Variants in VIPR2 observed in about 807,000 individuals in gnomAD.
The protein encoded by VIPR2 is vasoactive intestinal peptide receptor 2, also known as vasoactive intestinal polypeptide receptor 2.
A neutral mutation model predicts 58.0 loss-of-function variants in VIPR2; 48 were observed. The ratio of observed to expected loss-of-function variants is 0.83; its 90% CI spans 0.66 to 1.05. The LOEUF is 1.05. Ranked by LOEUF, VIPR2 falls within the 50% of genes least tolerant of loss-of-function variation. VIPR2 has a pLI of 0.00. For missense variants in VIPR2, 534 were observed against 558.0 expected (o/e 0.96, Z 0.43); for synonymous variants, 243 against 235.2 (o/e 1.03, Z -0.30).
chr7:159,083,769 G>A (rs983738699), intron 4 of VIPR2, among the ~76,000 whole-genome samples: 1 of 152,270 alleles, frequency 6.6e-6, no homozygotes, highest in Non-Finnish European at 1.5e-5. Context: ...AAGAGAACCT[G>A]TGGTTTTGTG....
Position 159,032,010 on chromosome 7 carries a change from C to T in VIPR2, c.1029G>A (p.Val343=). 2 of 1,614,162 alleles carry T rather than the reference C, an allele frequency of 1.2e-6. No homozygotes were observed. The highest frequency in any genetic ancestry group is 1.7e-6 in the Non-Finnish European group (2 of 1,180,048). ...AGATGCTGATGGGAAACACGGCAAA[C>T]ACCATGTAGTGGACGCCGAACAGCG... ...LIPLFGVHYM[V]FAVFPISISS... Residue 343 remains valine, a synonymous_variant, in exon 11 of 13, where the codon GTG becomes GTA. Transcript: ENST00000262178.
At chr7:159,130,254 C>T (rs1796844396) in intron 2 of VIPR2, among the ~76,000 whole-genome samples, 1 of 152,184 alleles carries the variant, frequency 6.6e-6, no homozygotes, top group Non-Finnish European at 1.5e-5. Flanking sequence ...GATAAGAGCC[C>T]TTCCCCCAAA....
intron 4 of VIPR2, among the ~76,000 whole-genome samples, chr7:159,085,152 A>G (rs1020324765): frequency 6.6e-6 from 1 of 152,242 alleles, no homozygotes; most frequent in Admixed American, 6.5e-5. Flanking sequence ...CACTCCACTT[A>G]GGAGACTGTC....
At chr7:159,142,405 G>T in intron 2 of VIPR2, 41 bp downstream of exon 2, 2 of 1,484,470 alleles carry the variant, frequency 1.3e-6, no homozygotes, top group Non-Finnish European at 1.9e-6. Context: ...TCCCGGGTGA[G>T]AATGTCACGG....
intron 2 of VIPR2, among the ~76,000 whole-genome samples, chr7:159,112,260 C>T (rs963805979): frequency 4.6e-5 from 7 of 152,174 alleles, no homozygotes; most frequent in South Asian, 2.1e-4. Context: ...TTGGACCGCA[C>T]GTGAGGGAGC....
Position 159,127,281 on chromosome 7 carries a change from G to T in VIPR2, c.151+15165C>A, listed in dbSNP as rs1796688768. On this transcript the variant is annotated intron_variant, in intron 2 of 12. Transcript: ENST00000262178. The surrounding 1 kb of genome is among the most constrained non-coding windows in gnomAD (Gnocchi z 4.6). ...GGCACCTGGAAACTGGATCACAGCAGAATTCTGAATTTCAGAAACAGCGGT... is the reference window on the plus strand; with the variant it reads ...GGCACCTGGAAACTGGATCACAGCATAATTCTGAATTTCAGAAACAGCGGT... 6.6e-6 allele frequency among the ~76,000 whole-genome samples: 1 copy of T among 152,332 alleles called. No homozygotes were observed. The highest frequency in any genetic ancestry group is 1.9e-4 in the East Asian group (1 of 5,186).
In VIPR2 at chr7:159,030,246, G is replaced by C. The variant is rs573239045; in HGVS notation, c.*370C>G. On this transcript the variant is annotated 3_prime_UTR_variant, in exon 13 of 13. Coordinates refer to ENST00000262178, the MANE Select transcript of VIPR2 (RefSeq NM_003382.5). ...TGTAGTCCCAGCTATGGGAGGCTGA[G>C]GCAGGAGAATGGCGTGAACCCGGGA... The C allele has an allele frequency of 3.2e-3, 667 of 210,888 alleles. 2 individuals are homozygous for C. Among genetic ancestry groups the C allele is most frequent in the Non-Finnish European group, 4.9e-3 (529 of 107,644 alleles). 13.1% of individuals were successfully genotyped at this position (210,888 alleles called of 1,614,324 possible).
chr7:159,053,711 A>G (rs1243502043), intron 5 of VIPR2, among the ~76,000 whole-genome samples: 1 of 152,042 alleles, frequency 6.6e-6, no homozygotes, highest in Non-Finnish European at 1.5e-5. Context: ...GCTAATTTTA[A>G]ATTTTGTTGT....
chr7:159,033,996 C>T (rs1853747444), intron 10 of VIPR2, among the ~76,000 whole-genome samples: 1 of 152,172 alleles, frequency 6.6e-6, no homozygotes, highest in African/African-American at 2.4e-5. Flanking sequence ...TGTTTTAAAC[C>T]ACCAAATTTT....
intron 2 of VIPR2, among the ~76,000 whole-genome samples, chr7:159,134,719 GCC>G (rs1412177915): frequency 6.6e-6 from 1 of 151,852 alleles, no homozygotes; most frequent in Non-Finnish European, 1.5e-5. Flanking sequence ...GTACAGTGGG[GCC>G]ATCTCGGCTC....
At chr7:159,101,234 C>A (rs1858209854) in intron 4 of VIPR2, among the ~76,000 whole-genome samples, 1 of 143,714 alleles carries the variant, frequency 7.0e-6, no homozygotes. Context: ...CCCGACTGTT[C>A]CTGTGATAGT....
At chr7:159,105,881 G>T (rs936287930) in intron 3 of VIPR2, among the ~76,000 whole-genome samples, 24 of 152,198 alleles carry the variant, frequency 1.6e-4, no homozygotes, top group Admixed American at 1.5e-3. Context: ...AATAATACTA[G>T]TCATGTGGTA....
intron 2 of VIPR2, among the ~76,000 whole-genome samples, chr7:159,125,465 C>A (rs556424299): frequency 1.3e-5 from 2 of 152,314 alleles, no homozygotes; most frequent in African/African-American, 4.8e-5. Context: ...ACTGGAAAGG[C>A]CACAGAGCTG....
In VIPR2 at chr7:159,095,021, C is replaced by G. The variant is rs1857748308; in HGVS notation, c.357+8736G>C. On this transcript the variant is annotated intron_variant, in intron 4 of 12. Coordinates refer to ENST00000262178, the MANE Select transcript of VIPR2 (RefSeq NM_003382.5). The surrounding 1 kb of genome is among the most constrained non-coding windows in gnomAD (Gnocchi z 5.2). ...AGTCCCAAGGAGACATCAGATAGAC[C>G]CCAGCAAAGCCACTTCGTGAAATGA... 6.6e-6 allele frequency among the ~76,000 whole-genome samples: 1 copy of G among 152,030 alleles called. No individual in the cohort carries two copies.
chr7:159,142,284 C>CT (rs1797501777), intron 2 of VIPR2, among the ~76,000 whole-genome samples, 162 bp downstream of exon 2: 1 of 151,802 alleles, frequency 6.6e-6, no homozygotes, highest in African/African-American at 2.4e-5. Flanking sequence ...CCAACTCTCT[C>CT]TGAGTTTTAC....
chr7:159,066,711 G>C (rs911167431), intron 4 of VIPR2, among the ~76,000 whole-genome samples: 1 of 152,226 alleles, frequency 6.6e-6, no homozygotes, highest in Non-Finnish European at 1.5e-5. Context: ...ATATTTCAAG[G>C]CAAGTTTCCC....
intron 5 of VIPR2, among the ~76,000 whole-genome samples, chr7:159,047,101 G>C (rs1274367389): frequency 6.6e-6 from 1 of 152,172 alleles, no homozygotes; most frequent in Non-Finnish European, 1.5e-5. Flanking sequence ...CGGGCTTGGT[G>C]GTGGGTGCCT....
intron 4 of VIPR2, among the ~76,000 whole-genome samples, chr7:159,085,391 G>A (rs1857118297): frequency 6.6e-6 from 1 of 152,180 alleles, no homozygotes; most frequent in Admixed American, 6.5e-5. Context: ...TGCCTCCCGG[G>A]TTCAAGTGAT....
chr7:159,040,983 C>T (rs1854292205), intron 6 of VIPR2, among the ~76,000 whole-genome samples: 1 of 152,206 alleles, frequency 6.6e-6, no homozygotes. Context: ...GCAAAGCCGA[C>T]TCCCTCTGTC....
Sources: gnomAD v4.1 joint callset for allele counts (sites outside exome capture counted in the v4.1 genomes callset) on GRCh38, gnomAD v4.1.1 for gene constraint, Gnocchi (gnomAD v3.1) non-coding constraint, MANE v1.5 for transcripts, NCBI Gene and HGNC (gene_info 2026-07-23, HGNC 2026-07-21) for gene names.